Variants in DENND2A observed in about 807,000 individuals in gnomAD.
DENND2A encodes the protein DENN domain-containing protein 2A.
Under a neutral mutation model 105.3 loss-of-function variants are expected in DENND2A, and 53 were observed. The ratio of observed to expected loss-of-function variants is 0.50; its 90% CI spans 0.40 to 0.63. The LOEUF (loss-of-function observed/expected upper bound fraction) is 0.63. Ranked by LOEUF, DENND2A falls within the 30% of genes least tolerant of loss-of-function variation. The pLI is 0.00. For missense variants in DENND2A, 1,138 were observed against 1,279.6 expected (o/e 0.89, Z 1.69); for synonymous variants, 522 against 508.4 (o/e 1.03, Z -0.36).
intron 1 of DENND2A, among the ~76,000 whole-genome samples, chr7:140,628,448 A>C (rs1302620422): frequency 6.6e-6 from 1 of 152,002 alleles, no homozygotes; most frequent in Non-Finnish European, 1.5e-5. Flanking sequence ...TTTTGTACTC[A>C]GAAGTTGTGC....
intron 2 of DENND2A, among the ~76,000 whole-genome samples, chr7:140,604,342 G>A (rs1327354149): frequency 2.6e-5 from 4 of 152,324 alleles, no homozygotes; most frequent in South Asian, 2.1e-4. Flanking sequence ...TTGCGAAAAC[G>A]CAAACACATT....
Position 140,525,740 on chromosome 7 carries a change from GC to G in DENND2A, c.2547+10del. Reference sequence around the variant, plus strand: ...CAAAGGGAGCAGGAGGCCGTCGCTGGCCTCACTCACCTGTCTGAGGAACCGG... The same window carrying G: ...CAAAGGGAGCAGGAGGCCGTCGCTGGCTCACTCACCTGTCTGAGGAACCGG... On this transcript the variant is annotated intron_variant, in intron 16 of 19. Coordinates refer to ENST00000496613, the MANE Select transcript of DENND2A (RefSeq NM_015689.5). The G allele has an allele frequency of 6.2e-7, 1 of 1,605,308 alleles. No homozygotes were observed. Among genetic ancestry groups the G allele is most frequent in the Non-Finnish European group, 8.5e-7 (1 of 1,175,896 alleles).
chr7:140,572,517 C>T (rs536934640), intron 6 of DENND2A, among the ~76,000 whole-genome samples: 1 of 151,844 alleles, frequency 6.6e-6, no homozygotes, highest in East Asian at 2.0e-4. Flanking sequence ...AATCCCAGCA[C>T]TTTGGGAGGC....
At chr7:140,549,055 T>C (rs1797014859) in intron 12 of DENND2A, among the ~76,000 whole-genome samples, 1 of 150,072 alleles carries the variant, frequency 6.7e-6, no homozygotes. Context: ...CCATCTCTAC[T>C]AAAACTACAA....
chr7:140,542,621 A>G (rs1796715551), intron 14 of DENND2A, among the ~76,000 whole-genome samples: 2 of 140,322 alleles, frequency 1.4e-5, no homozygotes, highest in South Asian at 4.4e-4. Context: ...CTGGAGTGCA[A>G]TGGCGCAATC....
At position 140,523,990 on chromosome 7, in the gene DENND2A, T is replaced by C. The variant is rs760372918; in HGVS notation, c.2548-566A>G. ...GACTACAATTACCCTGTGAAAGGGC[T>C]TGGCACTGAGAGGATACTCAATAGA... On this transcript the variant is annotated intron_variant, in intron 16 of 19. Coordinates refer to ENST00000496613, the MANE Select transcript of DENND2A (RefSeq NM_015689.5). This position sits in a 1 kb window ranked among gnomAD's most constrained non-coding sequence, Gnocchi z 4.5. Among the ~76,000 whole-genome samples, 3 of 152,160 alleles carry C rather than the reference T, an allele frequency of 2.0e-5. No individual in the cohort carries two copies. Among genetic ancestry groups the C allele is most frequent in the Non-Finnish European group, 4.4e-5 (3 of 68,032 alleles).
intron 9 of DENND2A, among the ~76,000 whole-genome samples, chr7:140,562,638 G>C (rs1366870013): frequency 1.3e-5 from 2 of 149,644 alleles, no homozygotes; most frequent in African/African-American, 4.9e-5. Context: ...CTCCAGCCTG[G>C]GTGACAAAGG....
intron 3 of DENND2A, among the ~76,000 whole-genome samples, chr7:140,594,646 C>T (rs539878968): frequency 8.1e-4 from 123 of 152,332 alleles, no homozygotes; most frequent in Middle Eastern, 3.4e-3. Flanking sequence ...CCGTCTATCT[C>T]GCTCATTATT....
intron 5 of DENND2A, among the ~76,000 whole-genome samples, chr7:140,583,742 TG>T (rs1798647937): frequency 6.8e-6 from 1 of 146,556 alleles, no homozygotes; most frequent in African/African-American, 2.7e-5. Flanking sequence ...ATCCTGTGAA[TG>T]GTGAAACCCC....
At chr7:140,639,813 C>G (rs1469213959) in intron 1 of DENND2A, among the ~76,000 whole-genome samples, 2 of 152,172 alleles carry the variant, frequency 1.3e-5, no homozygotes, top group African/African-American at 4.8e-5. Context: ...AGAGCCCTGA[C>G]CAGTTTCCTG....
At chr7:140,551,023 G>A (rs1192133970) in intron 12 of DENND2A, among the ~76,000 whole-genome samples, 5 of 151,664 alleles carry the variant, frequency 3.3e-5, no homozygotes, top group East Asian at 2.0e-4. Context: ...GCTTGTGGCC[G>A]GGCACAGTGG....
intron 14 of DENND2A, among the ~76,000 whole-genome samples, chr7:140,543,142 C>T (rs2130517196): frequency 6.8e-6 from 1 of 146,014 alleles, no homozygotes. Context: ...TTTTTTGAGA[C>T]AAGGTCTTGT....
chr7:140,554,770 G>A (rs960977533), intron 12 of DENND2A, among the ~76,000 whole-genome samples: 2 of 152,146 alleles, frequency 1.3e-5, no homozygotes, highest in African/African-American at 2.4e-5. Flanking sequence ...CCAGAATACC[G>A]GGGTAGATGA....
chr7:140,608,417 C>T (rs576643170), intron 1 of DENND2A, among the ~76,000 whole-genome samples: 2 of 152,294 alleles, frequency 1.3e-5, no homozygotes, highest in Admixed American at 1.3e-4. Flanking sequence ...TAGCTCACAC[C>T]TGTAATTCCA....
At chr7:140,591,671 CTCT>C (rs1228818632) in intron 3 of DENND2A, among the ~76,000 whole-genome samples, 17 of 146,234 alleles carry the variant, frequency 1.2e-4, no homozygotes, top group African/African-American at 4.4e-4. Flanking sequence ...TTCTTTCTTT[CTCT>C]TTCTTTCTTT....
At chr7:140,636,496 G>A (rs1312547569) in intron 1 of DENND2A, among the ~76,000 whole-genome samples, 1 of 152,166 alleles carries the variant, frequency 6.6e-6, no homozygotes, top group East Asian at 1.9e-4. Flanking sequence ...GGCATCCCAT[G>A]TGTCCCACCT....
intron 1 of DENND2A, among the ~76,000 whole-genome samples, chr7:140,611,170 T>C (rs1563177561): frequency 6.6e-6 from 1 of 152,144 alleles, no homozygotes; most frequent in African/African-American, 2.4e-5. Flanking sequence ...GCCTCCCAAG[T>C]AGCTGGGATT....
rs6964982 is a variant in DENND2A at position 140,574,091 on chromosome 7, C to A, written c.1246-83G>T. On this transcript the variant is annotated intron_variant, in intron 5 of 19. Coordinates refer to ENST00000496613, the MANE Select transcript of DENND2A (RefSeq NM_015689.5). ...ATAACTGGTGGTGCCAGGGACGAGA[C>A]AATGAAATTGAGAAGAGGAACTGGT... The A allele has an allele frequency of 4.2e-3, 6,327 of 1,505,308 alleles. 227 individuals are homozygous for A. The African/African-American group carries it at 0.075, about 18-fold the overall frequency. 93.2% of individuals were successfully genotyped at this position (1,505,308 alleles called of 1,614,324 possible). A position where few individuals can be genotyped will look rare whatever the true frequency, so the allele number is the denominator to read the frequency against.
At chr7:140,526,049 G>A (rs988333003) in intron 15 of DENND2A, among the ~76,000 whole-genome samples, 3 of 152,140 alleles carry the variant, frequency 2.0e-5, no homozygotes, top group Admixed American at 6.5e-5. Flanking sequence ...TGGACTCACC[G>A]CCTGGCTTTC....
Sources: allele counts gnomAD v4.1 joint callset (sites outside exome capture counted in the v4.1 genomes callset), GRCh38; gene constraint gnomAD v4.1.1; non-coding constraint Gnocchi (gnomAD v3.1); transcripts MANE v1.5; gene names NCBI Gene and HGNC (gene_info 2026-07-23, HGNC 2026-07-21).